Variants in NMNAT2 observed in about 807,000 individuals in gnomAD.
NMNAT2 encodes nicotinamide/nicotinic acid mononucleotide adenylyltransferase 2.
A neutral mutation model predicts 41.6 loss-of-function variants in NMNAT2; 11 were observed. The observed-to-expected ratio is 0.26, with a 90% CI of 0.17 to 0.44. The LOEUF (loss-of-function observed/expected upper bound fraction) is 0.44. Ranked by LOEUF, NMNAT2 falls within the 20% of genes least tolerant of loss-of-function variation. The probability of loss-of-function intolerance (pLI) is 1.00; values close to 1 mark genes in which losing one functional copy is unlikely to be tolerated. For missense variants in NMNAT2, 288 were observed against 407.7 expected (o/e 0.71, Z 2.53); for synonymous variants, 148 against 151.2 (o/e 0.98, Z 0.16).
intron 1 of NMNAT2, among the ~76,000 whole-genome samples, chr1:183,368,556 G>T (rs946806185): frequency 3.3e-5 from 5 of 152,176 alleles, no homozygotes; most frequent in African/African-American, 1.2e-4. Context: ...TTACAAGGGT[G>T]CTAATTCTGT....
At chr1:183,316,734 A>T (rs1324038575) in intron 1 of NMNAT2, among the ~76,000 whole-genome samples, 2 of 152,200 alleles carry the variant, frequency 1.3e-5, no homozygotes, top group African/African-American at 4.8e-5. Flanking sequence ...TATATTGTTG[A>T]TACTCAGCAA....
rs150120060 is a variant in NMNAT2, at chr1:183,262,767, G to A, written c.652-1464C>T. Among the ~76,000 whole-genome samples the A allele has an allele frequency of 6.0e-4, 92 of 152,332 alleles. 1 individual carries two copies. The highest frequency in any genetic ancestry group is 2.2e-3 in the African/African-American group (90 of 41,570). On this transcript the variant is annotated intron_variant, in intron 8 of 10. Transcript: ENST00000287713. ...ACTTTTATTTTTAAAGAGCCTGAAA[G>A]TTACGGCATTTAATACTCCTGGGTC...
chr1:183,286,852 CA>C, intron 4 of NMNAT2, 64 bp from the exon 5 acceptor site: 1 of 1,543,554 alleles, frequency 6.5e-7, no homozygotes, highest in South Asian at 1.3e-5. Flanking sequence ...AAGTTATCTC[CA>C]AGTGGTCATC....
At chr1:183,379,262 C>T (rs1267776155) in intron 1 of NMNAT2, among the ~76,000 whole-genome samples, 2 of 152,056 alleles carry the variant, frequency 1.3e-5, no homozygotes, top group South Asian at 2.1e-4. Context: ...CTTATTGCAG[C>T]CTCAACCTCC....
At chr1:183,347,896 C>T (rs1333971016) in intron 1 of NMNAT2, among the ~76,000 whole-genome samples, 1 of 152,116 alleles carries the variant, frequency 6.6e-6, no homozygotes, top group Non-Finnish European at 1.5e-5. Flanking sequence ...AGCACATGTC[C>T]TCCTTAGAAA....
At chr1:183,371,924 C>T (rs980284683) in intron 1 of NMNAT2, among the ~76,000 whole-genome samples, 2 of 152,046 alleles carry the variant, frequency 1.3e-5, no homozygotes, top group Non-Finnish European at 1.5e-5. Context: ...GGACCACAGG[C>T]GTGCACCACC....
chr1:183,395,583 A>C (rs944751070), intron 1 of NMNAT2, among the ~76,000 whole-genome samples: 1 of 152,192 alleles, frequency 6.6e-6, no homozygotes, highest in Admixed American at 6.5e-5. Context: ...TGAAATTTAC[A>C]TCACTTGTCA....
intron 1 of NMNAT2, among the ~76,000 whole-genome samples, chr1:183,337,345 C>A (rs1315418884): frequency 6.6e-6 from 1 of 152,108 alleles, no homozygotes; most frequent in East Asian, 1.9e-4. Flanking sequence ...TTTTTAAAAT[C>A]ATGACTATGT....
At chr1:183,375,464 G>C (rs747308990) in intron 1 of NMNAT2, among the ~76,000 whole-genome samples, 1 of 152,076 alleles carries the variant, frequency 6.6e-6, no homozygotes, top group Non-Finnish European at 1.5e-5. Context: ...CTTTGCCCAG[G>C]CTGTTTCCTG....
chr1:183,382,859 G>T (rs1663830483), intron 1 of NMNAT2, among the ~76,000 whole-genome samples: 1 of 152,148 alleles, frequency 6.6e-6, no homozygotes, highest in Non-Finnish European at 1.5e-5. Flanking sequence ...TTGAGTGCCT[G>T]CAGCTTTTCC....
intron 4 of NMNAT2, among the ~76,000 whole-genome samples, chr1:183,288,531 G>A (rs1661452202): frequency 6.6e-6 from 1 of 152,222 alleles, no homozygotes. Context: ...CTGGGCATAA[G>A]TAACACAGGG....
At chr1:183,363,872 C>T (rs997202089) in intron 1 of NMNAT2, among the ~76,000 whole-genome samples, 5 of 152,136 alleles carry the variant, frequency 3.3e-5, no homozygotes, top group African/African-American at 1.2e-4. Flanking sequence ...ATGCACAAGG[C>T]CTGTCATTTA....
Position 183,318,180 on chromosome 1 carries a change from G to C in NMNAT2, c.86-24387C>G, listed in dbSNP as rs368043800. Among the ~76,000 whole-genome samples the C allele has an allele frequency of 1.6e-4, 25 of 152,294 alleles. No homozygotes were observed. The East Asian group carries it at 3.9e-3, about 24-fold the overall frequency. ...TCCGGCCTAGGCTAGCGAAGTCTCT[G>C]CCTCACCTCCCCAGCAGGCCCTGGG... On this transcript the variant is annotated intron_variant, in intron 1 of 10. Transcript: ENST00000287713.
At chr1:183,372,453 C>T (rs1315236584) in intron 1 of NMNAT2, among the ~76,000 whole-genome samples, 1 of 152,098 alleles carries the variant, frequency 6.6e-6, no homozygotes, top group Admixed American at 6.5e-5. Flanking sequence ...AAGACAGAGC[C>T]AGGAAGAGTG....
rs896844326 is a variant in NMNAT2, at chr1:183,252,436, C to T, written c.*205G>A. The T allele has an allele frequency of 5.4e-6, 3 of 558,426 alleles. No individual in the cohort carries two copies. Among genetic ancestry groups the T allele is most frequent in the Admixed American group, 3.1e-5 (1 of 32,406 alleles). 34.6% of individuals were successfully genotyped at this position (558,426 alleles called of 1,614,324 possible). A position where few individuals can be genotyped will look rare whatever the true frequency, so the allele number is the denominator to read the frequency against. ...CCCATTCCCTCACCCACCCCCAACC[C>T]GGAGACTAGAGGAAAGTCTGTCCAA... On this transcript the variant is annotated 3_prime_UTR_variant, in exon 11 of 11. Transcript: ENST00000287713.
chr1:183,297,544 G>A (rs923007986), intron 1 of NMNAT2, among the ~76,000 whole-genome samples: 2 of 151,940 alleles, frequency 1.3e-5, no homozygotes, highest in African/African-American at 2.4e-5. Flanking sequence ...CACCATCCCC[G>A]GCTAATTTTG....
intron 1 of NMNAT2, among the ~76,000 whole-genome samples, chr1:183,351,343 T>C (rs79410808): frequency 0.011 from 1,641 of 152,286 alleles, 32 homozygotes; most frequent in African/African-American, 0.038. Flanking sequence ...GCTCAGCTTT[T>C]TCCATCAAAG....
chr1:183,367,406 C>T (rs185199026), intron 1 of NMNAT2, among the ~76,000 whole-genome samples: 3 of 152,174 alleles, frequency 2.0e-5, no homozygotes, highest in Non-Finnish European at 4.4e-5. Context: ...TGCAGTGAGC[C>T]GAGATCGTGC....
Position 183,380,813 on chromosome 1 carries a change from A to T in NMNAT2, c.85+37370T>A, listed in dbSNP as rs150154326. Among the ~76,000 whole-genome samples, 139 of 152,326 alleles carry T rather than the reference A, an allele frequency of 9.1e-4. No homozygotes were observed. In the East Asian group the frequency reaches 0.021, roughly 23 times the overall value. On this transcript the variant is annotated intron_variant, in intron 1 of 10. Transcript: ENST00000287713. ...TGGAGTAGAATGTGAGAGGAAAAGA[A>T]ATACGGAGAAATGAGCTGCTTGTCA... is the stretch of plus-strand genomic sequence containing the variant.
Sources: gnomAD v4.1 joint callset for allele counts (sites outside exome capture counted in the v4.1 genomes callset) on GRCh38, gnomAD v4.1.1 for gene constraint, MANE v1.5 for transcripts, NCBI Gene and HGNC (gene_info 2026-07-23, HGNC 2026-07-21) for gene names.